TENM2: variants seen among roughly 807,000 people sequenced by gnomAD.
TENM2 encodes teneurin transmembrane protein 2.
Under a neutral mutation model 245.2 loss-of-function variants are expected in TENM2, and 52 were observed. That is an observed-to-expected ratio of 0.21 (90% CI 0.17 to 0.27). The LOEUF (loss-of-function observed/expected upper bound fraction) is 0.27, where lower values mean the gene tolerates loss of function less well. Among genes scored for constraint, TENM2 ranks in the 10% least tolerant of loss-of-function variants. TENM2 has a pLI of 1.00. For missense variants in TENM2, 3,046 were observed against 3,666.8 expected (o/e 0.83, Z 4.37); for synonymous variants, 1,363 against 1,438.9 (o/e 0.95, Z 1.19).
chr5:166,993,970 A>G, the TENM2 span, among the ~76,000 whole-genome samples: 1 of 152,134 alleles, frequency 6.6e-6, no homozygotes, highest in Non-Finnish European at 1.5e-5. Flanking sequence ...TTGTATTTGT[A>G]TGTGAAAGAT....
the TENM2 span, among the ~76,000 whole-genome samples, chr5:167,276,350 TTTTGTG>T: frequency 0.21 from 29,790 of 143,510 alleles, 3,556 homozygotes; most frequent in Non-Finnish European, 0.26. Flanking sequence ...AGCCTGTTCA[TTTTGTG>T]TGTGTGTGTG....
intron 12 of TENM2, among the ~76,000 whole-genome samples, chr5:168,146,457 C>G (rs989208026): frequency 6.6e-6 from 1 of 152,196 alleles, no homozygotes; most frequent in African/African-American, 2.4e-5. Context: ...TTAGAAGACT[C>G]TGCCAACTCA....
At chr5:167,872,209 G>T (rs991182449) in intron 2 of TENM2, among the ~76,000 whole-genome samples, 88 of 151,432 alleles carry the variant, frequency 5.8e-4, no homozygotes, top group African/African-American at 1.8e-3. Context: ...TGAGGTGGAG[G>T]TTGCAGTGAG....
the TENM2 span, among the ~76,000 whole-genome samples, chr5:167,000,458 A>G: frequency 8.5e-5 from 13 of 152,208 alleles, no homozygotes; most frequent in Admixed American, 6.5e-4. Flanking sequence ...CCAGGGCTTT[A>G]TAATGCAAAA....
intron 10 of TENM2, among the ~76,000 whole-genome samples, chr5:168,121,009 T>C (rs908646792): frequency 7.2e-5 from 11 of 152,222 alleles, no homozygotes; most frequent in Admixed American, 7.2e-4. Flanking sequence ...AAGTCAGCCA[T>C]GTTTTCATGT....
intron 2 of TENM2, among the ~76,000 whole-genome samples, chr5:167,551,009 G>C (rs1004504302): frequency 6.6e-6 from 1 of 152,050 alleles, no homozygotes; most frequent in African/African-American, 2.4e-5. Context: ...GATTACAGGC[G>C]TGAGCCACCA....
the TENM2 span, among the ~76,000 whole-genome samples, chr5:167,152,026 G>C: frequency 6.6e-6 from 1 of 152,122 alleles, no homozygotes; most frequent in African/African-American, 2.4e-5. Context: ...TGTGGTATGT[G>C]GGGCCCAGTT....
chr5:167,629,460 C>T (rs934308435), intron 2 of TENM2, among the ~76,000 whole-genome samples: 2 of 152,168 alleles, frequency 1.3e-5, no homozygotes, highest in Admixed American at 1.3e-4. Flanking sequence ...ACTTAAATCT[C>T]ATGCACAATG....
chr5:167,669,794 C>G (rs1252777938), intron 2 of TENM2, among the ~76,000 whole-genome samples: 1 of 151,298 alleles, frequency 6.6e-6, no homozygotes, highest in Non-Finnish European at 1.5e-5. Flanking sequence ...TTAGACAAAC[C>G]GTGGTTGTAA....
At chr5:168,135,991 T>A (rs1562202687) in intron 12 of TENM2, among the ~76,000 whole-genome samples, 1 of 152,202 alleles carries the variant, frequency 6.6e-6, no homozygotes, top group Non-Finnish European at 1.5e-5. Context: ...CCATAGTCCA[T>A]GGTGGCATTC....
chr5:167,162,754 T>C, the TENM2 span, among the ~76,000 whole-genome samples: 1 of 152,140 alleles, frequency 6.6e-6, no homozygotes, highest in African/African-American at 2.4e-5. Flanking sequence ...CTGATACTCA[T>C]GACCAATCCT....
rs1561886910 is a variant in TENM2 at position 167,353,634 on chromosome 5, T to TGA, written c.227-21563_227-21562insAG. ...GCCATTCTCCTGCCTCAGCCTCCCA[T>TGA]GTAGCTGGGACAACAGGCGCCCGCC... On this transcript the variant is annotated intron_variant, in intron 1 of 28. Transcript: ENST00000518659. Among the ~76,000 whole-genome samples the TGA allele has an allele frequency of 3.4e-5, 5 of 147,020 alleles. No homozygotes were observed. The East Asian group carries it at 1.1e-3, about 31-fold the overall frequency.
intron 2 of TENM2, among the ~76,000 whole-genome samples, chr5:167,785,115 A>G (rs900359624): frequency 6.6e-5 from 10 of 152,134 alleles, no homozygotes; most frequent in African/African-American, 1.7e-4. Flanking sequence ...TTTTTTTCCT[A>G]CTACACAGTC....
rs376433354 is a variant in TENM2, at chr5:167,956,929, T to C, written c.947+4107T>C. ...GTTCAGCAGGGATATTGGCCTGAAC[T>C]TTTCTTTTTTTGTTGTGTCTTTGCC... On this transcript the variant is annotated intron_variant, in intron 4 of 28. Coordinates refer to ENST00000518659, the Ensembl canonical transcript of TENM2. 4.9e-3 allele frequency among the ~76,000 whole-genome samples: 752 copies of C among 152,276 alleles called. 6 individuals carry two copies. Among genetic ancestry groups the C allele is most frequent in the Middle Eastern group, 0.017 (5 of 294 alleles).
chr5:168,221,555 C>T (rs926177922), intron 23 of TENM2, among the ~76,000 whole-genome samples: 2 of 152,132 alleles, frequency 1.3e-5, no homozygotes, highest in African/African-American at 4.8e-5. Flanking sequence ...GAAGATGTAA[C>T]TCAATAAGAC....
chr5:168,233,902 A>G (rs1284337455), intron 25 of TENM2, among the ~76,000 whole-genome samples: 2 of 152,286 alleles, frequency 1.3e-5, no homozygotes, highest in South Asian at 2.1e-4. Context: ...CTTATTCACT[A>G]TCACTAGAAT....
exon 19 of TENM2, chr5:168,204,409 G>A (rs1217993508): frequency 6.2e-7 from 1 of 1,613,920 alleles, no homozygotes; most frequent in African/African-American, 1.3e-5. Context: ...ACCAGTTCCT[G>A]ACCCAGCAGC....
At chr5:167,968,279 G>T (rs558466114) in intron 4 of TENM2, among the ~76,000 whole-genome samples, 1 of 152,116 alleles carries the variant, frequency 6.6e-6, no homozygotes, top group Non-Finnish European at 1.5e-5. Context: ...ATGGCAAAGC[G>T]CTGCACAAAG....
chr5:167,988,291 G>A (rs768842993), intron 4 of TENM2, among the ~76,000 whole-genome samples: 3 of 152,176 alleles, frequency 2.0e-5, no homozygotes, highest in Non-Finnish European at 2.9e-5. Context: ...ATTTAACAAC[G>A]ATTTGTTGAG....
Sources: gnomAD v4.1 joint callset for allele counts (sites outside exome capture counted in the v4.1 genomes callset) on GRCh38, gnomAD v4.1.1 for gene constraint, MANE v1.5 for transcripts, NCBI Gene and HGNC (gene_info 2026-07-23, HGNC 2026-07-21) for gene names.